The following CARMIL1 variants were observed in gnomAD, a reference collection of about 807,000 sequenced individuals.
CARMIL1 encodes capping protein regulator and myosin 1 linker 1, also known as F-actin-uncapping protein LRRC16A.
In CARMIL1, 90 loss-of-function variants were observed where a neutral mutation model predicts 177.1. That is an observed-to-expected ratio of 0.51 (90% confidence interval 0.43 to 0.61). The LOEUF is 0.61. Among genes scored for constraint, CARMIL1 ranks in the 20% least tolerant of loss-of-function variants. CARMIL1 has a pLI of 0.00. For synonymous variants in CARMIL1, 577 were observed against 606.2 expected, an observed-to-expected ratio of 0.95 and a Z score of 0.71; for missense variants, 1,380 against 1,667.0, an observed-to-expected ratio of 0.83 and a Z score of 3.00.
In CARMIL1 at chr6:25,467,914, C is replaced by T. The variant is rs540588503; in HGVS notation, c.690+1966C>T. Among the ~76,000 whole-genome samples the T allele has an allele frequency of 2.6e-5, 4 of 152,278 alleles. No homozygotes were observed. In the South Asian group the frequency reaches 8.3e-4, roughly 32 times the overall value. On this transcript the variant is annotated intron_variant, in intron 9 of 36. Coordinates refer to ENST00000329474, the MANE Select transcript of CARMIL1 (RefSeq NM_017640.6). Reference sequence around the variant, plus strand: ...CCAAAGTTAAAAAGAAATGATACTTCCCCTTTTGATTGGTACTGAAGTGGG... The same window carrying T: ...CCAAAGTTAAAAAGAAATGATACTTTCCCTTTTGATTGGTACTGAAGTGGG...
chr6:25,477,763 TTC>T (rs1254041301), intron 11 of CARMIL1, among the ~76,000 whole-genome samples: 1 of 152,136 alleles, frequency 6.6e-6, no homozygotes, highest in African/African-American at 2.4e-5. Flanking sequence ...AAATTCTGTG[TTC>T]TGTTTTTCCT....
intron 23 of CARMIL1, chr6:25,527,805 A>C: frequency 1.0e-5 from 3 of 300,730 alleles, no homozygotes; most frequent in Non-Finnish European, 6.4e-6. Context: ...AATTGATATT[A>C]AGTAATAGTC....
chr6:25,529,240 T>C (rs1400570066), intron 24 of CARMIL1, among the ~76,000 whole-genome samples: 1 of 152,092 alleles, frequency 6.6e-6, no homozygotes, highest in African/African-American at 2.4e-5. Context: ...CACACTTCCA[T>C]GGGTAGAATA....
intron 3 of CARMIL1, among the ~76,000 whole-genome samples, chr6:25,421,824 A>T (rs1411708082): frequency 1.4e-5 from 2 of 141,224 alleles, no homozygotes; most frequent in Non-Finnish European, 1.5e-5. Context: ...GAACAATGAG[A>T]ACAGATGGAC....
intron 23 of CARMIL1, among the ~76,000 whole-genome samples, chr6:25,525,505 G>GA (rs772516563): frequency 3.9e-5 from 6 of 152,102 alleles, no homozygotes; most frequent in Non-Finnish European, 8.8e-5. Context: ...CAGGGAGAAG[G>GA]AAAATGATAT....
intron 17 of CARMIL1, among the ~76,000 whole-genome samples, chr6:25,508,651 G>A (rs406841): frequency 0.44 from 66,406 of 152,050 alleles, 14,878 homozygotes; most frequent in Middle Eastern, 0.52. Context: ...GTGGAAAATA[G>A]CACCTTGTAC....
chr6:25,450,786 T>G, intron 8 of CARMIL1, 75 bp downstream of exon 8: 1 of 12,016 alleles, frequency 8.3e-5, no homozygotes, highest in East Asian at 6.0e-3. Flanking sequence ...CCTCCCTCCC[T>G]TCCTCCCTCC....
chr6:25,329,376 GCCGTGATGC>G (rs1785400584), intron 2 of CARMIL1, among the ~76,000 whole-genome samples: 3 of 152,154 alleles, frequency 2.0e-5, no homozygotes, highest in Non-Finnish European at 2.9e-5. Flanking sequence ...TTTCTCATTG[GCCGTGATGC>G]CCATGTTGAC....
intron 2 of CARMIL1, among the ~76,000 whole-genome samples, chr6:25,318,001 C>T (rs965456): frequency 0.014 from 2,103 of 152,164 alleles, 50 homozygotes; most frequent in African/African-American, 0.043. Context: ...GTGTAGAAAC[C>T]GTAAAGCGTA....
At chr6:25,485,768 T>C (rs1416188783) in intron 12 of CARMIL1, among the ~76,000 whole-genome samples, 1 of 152,140 alleles carries the variant, frequency 6.6e-6, no homozygotes, top group Non-Finnish European at 1.5e-5. Context: ...GACAAAAATA[T>C]CTTGAAATGT....
chr6:25,582,799 C>T (rs1813249720), intron 31 of CARMIL1, among the ~76,000 whole-genome samples: 2 of 152,280 alleles, frequency 1.3e-5, no homozygotes, highest in South Asian at 4.1e-4. Flanking sequence ...GGGAAAAAGC[C>T]AGATCTATTT....
At chr6:25,360,078 C>T (rs918766227) in intron 2 of CARMIL1, among the ~76,000 whole-genome samples, 5 of 152,166 alleles carry the variant, frequency 3.3e-5, no homozygotes, top group Non-Finnish European at 7.4e-5. Context: ...AGACATCATT[C>T]AGCCTCCCGG....
At chr6:25,296,929 C>CTATCTATT (rs1561948818) in intron 2 of CARMIL1, among the ~76,000 whole-genome samples, 1 of 42,174 alleles carries the variant, frequency 2.4e-5, no homozygotes, top group Non-Finnish European at 4.1e-5. Context: ...ATCTATCTAT[C>CTATCTATT]TATCTTTAAC....
chr6:25,297,445 T>A (rs1307596052), intron 2 of CARMIL1, among the ~76,000 whole-genome samples: 1 of 152,228 alleles, frequency 6.6e-6, no homozygotes, highest in East Asian at 1.9e-4. Context: ...AAATAGCACT[T>A]AACCCTCTAT....
At chr6:25,403,099 T>TA (rs1554187342) in intron 2 of CARMIL1, among the ~76,000 whole-genome samples, 91 of 147,088 alleles carry the variant, frequency 6.2e-4, no homozygotes, top group African/African-American at 5.7e-4. Context: ...TTTTTTTTTT[T>TA]AAAAACAAAA....
At chr6:25,350,116 G>GCTCCT (rs2150356160) in intron 2 of CARMIL1, among the ~76,000 whole-genome samples, 1 of 152,254 alleles carries the variant, frequency 6.6e-6, no homozygotes, top group Non-Finnish European at 1.5e-5. Context: ...GCCTTTGTCT[G>GCTCCT]CTCCTCTCGG....
chr6:25,454,064 A>T (rs538024261), intron 8 of CARMIL1, among the ~76,000 whole-genome samples: 1 of 152,230 alleles, frequency 6.6e-6, no homozygotes, highest in Non-Finnish European at 1.5e-5. Flanking sequence ...GTTACCTGAA[A>T]TATGTAGCAA....
intron 2 of CARMIL1, among the ~76,000 whole-genome samples, chr6:25,333,336 G>A (rs921370699): frequency 1.3e-5 from 2 of 152,162 alleles, no homozygotes; most frequent in Non-Finnish European, 2.9e-5. Context: ...GCTGAGGTGG[G>A]TGGATTGCTT....
Position 25,317,371 on chromosome 6 carries a change from A to G in CARMIL1, c.138+32462A>G, listed in dbSNP as rs116099718. ...AGTCTTGAACTCCTGGGCTCAAGCA[A>G]TCCTTCTGCCTTGACCTCCCAAAGT... On this transcript the variant is annotated intron_variant, in intron 2 of 36. Transcript: ENST00000329474. Among the ~76,000 whole-genome samples the G allele has an allele frequency of 1.7e-3, 260 of 152,128 alleles. 1 individual carries two copies. The highest frequency in any genetic ancestry group is 3.1e-3 in the Non-Finnish European group (213 of 67,990).
Sources: allele counts gnomAD v4.1 joint callset (sites outside exome capture counted in the v4.1 genomes callset), GRCh38; gene constraint gnomAD v4.1.1; transcripts MANE v1.5; gene names NCBI Gene and HGNC (gene_info 2026-07-23, HGNC 2026-07-21).